PDE1B: variants seen among roughly 807,000 people sequenced by gnomAD.
The protein encoded by PDE1B is phosphodiesterase 1B.
In PDE1B, 13 loss-of-function variants were observed where a neutral mutation model predicts 66.7. That is an observed-to-expected ratio of 0.19 (90% CI 0.13 to 0.31). The LOEUF is 0.31. PDE1B is among the 10% of genes least tolerant of loss of function. The pLI is 1.00. For missense variants in PDE1B, 485 were observed against 682.3 expected, an observed-to-expected ratio of 0.71 and a Z score of 3.22; for synonymous variants, 230 against 253.9, an observed-to-expected ratio of 0.91 and a Z score of 0.90.
Position 54,573,076 on chromosome 12 carries a change from T to C in PDE1B, c.736-72T>C. ...AAGGGATGGGATGAGTGATCTAGCC[T>C]GTGTGTGGAGGTTCCTGGGAAGTGA... On this transcript the variant is annotated intron_variant, in intron 7 of 15. Transcript: ENST00000243052. The surrounding 1 kb of genome is among the most constrained non-coding windows in gnomAD (Gnocchi z 5.2). The C allele has an allele frequency of 4.7e-6, 5 of 1,073,522 alleles. No homozygotes were observed. Among genetic ancestry groups the C allele is most frequent in the African/African-American group, 3.1e-5 (2 of 64,782 alleles). 66.5% of individuals were successfully genotyped at this position (1,073,522 alleles called of 1,614,324 possible).
intron 3 of PDE1B, among the ~76,000 whole-genome samples, chr12:54,567,634 T>C (rs1219170660): frequency 6.6e-6 from 1 of 151,812 alleles, no homozygotes; most frequent in East Asian, 1.9e-4. Context: ...AACACAGATA[T>C]CAAGAAGGAC....
chr12:54,575,821 C>T lies in PDE1B; in HGVS notation c.1268-171C>T. Reference sequence around the variant, plus strand: ...AATGGCAGGAAGGAGCTCTCTGGGGCACCAAGACATCATCCCAAAGCCTGC... The same window carrying T: ...AATGGCAGGAAGGAGCTCTCTGGGGTACCAAGACATCATCCCAAAGCCTGC... On this transcript the variant is annotated intron_variant, in intron 12 of 15. Transcript: ENST00000243052. The surrounding 1 kb of genome is among the most constrained non-coding windows in gnomAD (Gnocchi z 4.0). The T allele has an allele frequency of 1.4e-6, 1 of 719,398 alleles. No homozygotes were observed. The highest frequency in any genetic ancestry group is 2.5e-6 in the Non-Finnish European group (1 of 407,382). The allele number at this position is 719,398 out of a possible 1,614,324, so 44.6% of individuals were successfully genotyped here.
intron 2 of PDE1B, among the ~76,000 whole-genome samples, chr12:54,558,532 C>A (rs1456519458): frequency 6.6e-6 from 1 of 152,196 alleles, no homozygotes; most frequent in Non-Finnish European, 1.5e-5. Flanking sequence ...GCAATGGAAG[C>A]CAGAAGCCAG....
chr12:54,556,084 TG>T (rs1249244710), intron 2 of PDE1B, among the ~76,000 whole-genome samples: 1 of 152,190 alleles, frequency 6.6e-6, no homozygotes, highest in African/African-American at 2.4e-5. Context: ...CTAGTCCCTC[TG>T]GGGAGGAAGC....
chr12:54,576,135 C>A, intron 13 of PDE1B, 35 bp downstream of exon 13: 3 of 1,280,940 alleles, frequency 2.3e-6, no homozygotes, highest in Non-Finnish European at 3.4e-6. Flanking sequence ...TATCTTGGTT[C>A]AGGAAGGCAG....
intron 2 of PDE1B, among the ~76,000 whole-genome samples, chr12:54,556,658 G>T (rs1416126411): frequency 1.3e-5 from 2 of 152,208 alleles, no homozygotes; most frequent in Non-Finnish European, 2.9e-5. Context: ...TGTTTTTGGG[G>T]TAAGGCCTGG....
chr12:54,576,469 G>C (rs1369399762), intron 13 of PDE1B, 102 bp from the exon 14 acceptor site: 11 of 1,418,542 alleles, frequency 7.8e-6, no homozygotes, highest in Non-Finnish European at 6.8e-6. Context: ...GAAGTTCCCT[G>C]AACCTTCTCC....
chr12:54,571,427 T>C (rs1323224035), intron 6 of PDE1B: 1 of 152,276 alleles, frequency 6.6e-6, no homozygotes, highest in African/African-American at 2.4e-5. Context: ...TCCCAGCTCA[T>C]GTTTCCCCAA....
rs1957750604 is a variant in PDE1B, at chr12:54,576,485, T to G, written c.1377-86T>G. On this transcript the variant is annotated intron_variant, in intron 13 of 15. Transcript: ENST00000243052. ...AAGTTCCCTGAACCTTCTCCTGGTC[T>G]TCCATGTCCTGCACTCCCAGGGCTA... 25 of 1,516,812 alleles carry G rather than the reference T, an allele frequency of 1.6e-5. No individual in the cohort carries two copies. The South Asian group carries it at 2.8e-4, about 17-fold the overall frequency. 94.0% of individuals were successfully genotyped at this position (1,516,812 alleles called of 1,614,324 possible).
intron 6 of PDE1B, 195 bp from the exon 7 acceptor site, chr12:54,572,406 G>C: frequency 1.6e-6 from 1 of 630,068 alleles, no homozygotes; most frequent in South Asian, 2.1e-5. Context: ...GAGGCACAGA[G>C]AGGCATGTGA....
chr12:54,555,521 C>T (rs1459494105), intron 2 of PDE1B, among the ~76,000 whole-genome samples: 2 of 152,160 alleles, frequency 1.3e-5, no homozygotes, highest in Non-Finnish European at 2.9e-5. Flanking sequence ...GGAAAGAAGC[C>T]TGCACATCTA....
chr12:54,566,996 T>G lies in PDE1B; in HGVS notation c.136T>G (p.Leu46Val). 1 of 1,611,310 alleles carries G rather than the reference T, an allele frequency of 6.2e-7. No homozygotes were observed. Among genetic ancestry groups the G allele is most frequent in the Non-Finnish European group, 8.5e-7 (1 of 1,178,202 alleles). ...RSLLRYMVKQ[L>V]ENGEINIEEL... is the part of the protein sequence containing the mutation. Reference sequence around the variant, plus strand: ...CAGGCTGCGCTACATGGTGAAGCAGTTGGAGAATGGGGAGATAAACATTGA... The same window carrying G: ...CAGGCTGCGCTACATGGTGAAGCAGGTGGAGAATGGGGAGATAAACATTGA... The change falls in exon 3 of 16, where the codon TTG (leucine) becomes GTG (valine). Residue 46 changes from leucine (L) to valine (V), a missense_variant. Coordinates refer to ENST00000243052, the MANE Select transcript of PDE1B (RefSeq NM_000924.4).
In PDE1B at chr12:54,549,994, C is replaced by T; in HGVS notation, c.113+9C>T. The T allele has an allele frequency of 6.2e-7, 1 of 1,613,174 alleles. No individual in the cohort carries two copies. The highest frequency in any genetic ancestry group is 1.7e-4 in the Middle Eastern group (1 of 6,054). Reference sequence around the variant, plus strand: ...ATTAAGCTTCGGTCTCTGTAAGTCCCCGGCCCGGGAATGGGGGGAAGGGAC... The same window carrying T: ...ATTAAGCTTCGGTCTCTGTAAGTCCTCGGCCCGGGAATGGGGGGAAGGGAC... On this transcript the variant is annotated intron_variant, in intron 2 of 15. Transcript: ENST00000243052.
At chr12:54,561,500 C>T in intron 2 of PDE1B, 1 of 1,398,680 alleles carries the variant, frequency 7.1e-7, no homozygotes, top group Admixed American at 2.7e-5. Context: ...AGGCAGGGGC[C>T]AAAGAGGAAG....
chr12:54,560,773 C>T (rs1874307), intron 2 of PDE1B, among the ~76,000 whole-genome samples: 150,327 of 152,346 alleles, frequency 0.99, 74,209 homozygotes, highest in Middle Eastern at 1. Context: ...ACCTCTGAGC[C>T]GATTGACCTC....
At chr12:54,564,330 TAAAA>T (rs35068189) in intron 2 of PDE1B, among the ~76,000 whole-genome samples, 2 of 139,350 alleles carry the variant, frequency 1.4e-5, no homozygotes, top group African/African-American at 2.6e-5. Flanking sequence ...CCTTGTCTCT[TAAAA>T]AAAAAAAAAA....
At chr12:54,571,365 C>T (rs1190324974) in intron 6 of PDE1B, 2 of 152,204 alleles carry the variant, frequency 1.3e-5, no homozygotes, top group Non-Finnish European at 2.9e-5. Context: ...TCTTTCCAAT[C>T]CTGCCCTCTC....
rs760020330 is a variant in PDE1B, at chr12:54,550,871, GAA to G, written c.113+893_113+894del. Reference sequence around the variant, plus strand: ...AAAGGAACTTTTCCCCTGCTCCTTAGAAAAAAAAGAGGATTGGGTCAAAGACA... The same window carrying G: ...AAAGGAACTTTTCCCCTGCTCCTTAGAAAAAAGAGGATTGGGTCAAAGACA... On this transcript the variant is annotated intron_variant, in intron 2 of 15. Transcript: ENST00000243052. Among the ~76,000 whole-genome samples, 46 of 151,752 alleles carry G rather than the reference GAA, an allele frequency of 3.0e-4. 1 individual carries two copies. Among genetic ancestry groups the G allele is most frequent in the Non-Finnish European group, 5.6e-4 (38 of 67,904 alleles).
At chr12:54,562,557 A>C (rs1957436972) in intron 2 of PDE1B, among the ~76,000 whole-genome samples, 3 of 152,186 alleles carry the variant, frequency 2.0e-5, no homozygotes, top group Admixed American at 6.5e-5. Flanking sequence ...GATGGCTGAA[A>C]CAGAGGGTTT....
Sources: allele counts gnomAD v4.1 joint callset (sites outside exome capture counted in the v4.1 genomes callset), GRCh38; gene constraint gnomAD v4.1.1; non-coding constraint Gnocchi (gnomAD v3.1); transcripts MANE v1.5; gene names NCBI Gene and HGNC (gene_info 2026-07-23, HGNC 2026-07-21).